The following DLGAP1 variants were observed in gnomAD, a reference collection of about 807,000 sequenced individuals.
The protein encoded by DLGAP1 is disks large-associated protein 1.
Under a neutral mutation model 90.8 loss-of-function variants are expected in DLGAP1, and 11 were observed. The observed-to-expected ratio is 0.12, with a 90% confidence interval of 0.08 to 0.20. The LOEUF is 0.20. Ranked by LOEUF, DLGAP1 falls within the 10% of genes least tolerant of loss-of-function variation. The probability of loss-of-function intolerance (pLI) is 1.00; values close to 1 mark genes in which losing one functional copy is unlikely to be tolerated. For synonymous variants in DLGAP1, 558 were observed against 540.7 expected (o/e 1.03, Z -0.44); for missense variants, 1,050 against 1,333.8 (o/e 0.79, Z 3.31).
chr18:3,583,421 T>C (rs1164207420), intron 7 of DLGAP1, among the ~76,000 whole-genome samples: 1 of 152,060 alleles, frequency 6.6e-6, no homozygotes, highest in Non-Finnish European at 1.5e-5. Flanking sequence ...ACTTCCACCT[T>C]GCCTATCTCT....
chr18:4,353,164 A>G (rs2081435892), intron 1 of DLGAP1, among the ~76,000 whole-genome samples: 1 of 152,214 alleles, frequency 6.6e-6, no homozygotes, highest in South Asian at 2.1e-4. Flanking sequence ...TCTGTCTTCA[A>G]CTGTTCACTC....
At chr18:3,646,690 C>A (rs976973601) in intron 7 of DLGAP1, among the ~76,000 whole-genome samples, 1 of 151,708 alleles carries the variant, frequency 6.6e-6, no homozygotes, top group South Asian at 2.1e-4. Flanking sequence ...TGTGGGAGGC[C>A]GAGGCGGGCA....
In DLGAP1 at chr18:4,427,188, T is replaced by C. The variant is rs2083176603; in HGVS notation, c.-267+27818A>G. The stretch of plus-strand genomic sequence containing the variant: ...TTAACCAAATGGAGCAGAGAGACTG[T>C]TCCCGTGTGGTAGTGATATCATATT... On this transcript the variant is annotated intron_variant, in intron 1 of 12. Coordinates refer to ENST00000315677, the MANE Select transcript of DLGAP1 (RefSeq NM_004746.4). Among the ~76,000 whole-genome samples the C allele has an allele frequency of 2.0e-5, 3 of 152,186 alleles. No individual in the cohort carries two copies. The South Asian group carries it at 6.2e-4, about 32-fold the overall frequency.
intron 11 of DLGAP1, among the ~76,000 whole-genome samples, chr18:3,507,736 GTTTT>G (rs386386884): frequency 1.7e-4 from 15 of 89,974 alleles, no homozygotes; most frequent in African/African-American, 6.4e-4. Context: ...ATTCTTGAAG[GTTTT>G]TTTTTTTTTT....
intron 4 of DLGAP1, among the ~76,000 whole-genome samples, chr18:3,833,390 C>T (rs554087328): frequency 3.3e-5 from 5 of 152,088 alleles, no homozygotes; most frequent in South Asian, 2.1e-4. Flanking sequence ...CATGCCACCA[C>T]GCCCAGTTAA....
intron 3 of DLGAP1, among the ~76,000 whole-genome samples, chr18:3,958,012 G>A (rs1406716240): frequency 6.6e-6 from 1 of 151,644 alleles, no homozygotes; most frequent in Non-Finnish European, 1.5e-5. Context: ...TCATGCCTCA[G>A]CCTCCTGAAT....
rs186144935 is a variant in DLGAP1 at position 3,893,015 on chromosome 18, G to A, written c.-72-12875C>T. ...TTTTAGTGTAGCCATCCCCCAAAAA[G>A]TGTACATTGTACCTATTAAGTAATT... On this transcript the variant is annotated intron_variant, in intron 3 of 12. Transcript: ENST00000315677. Among the ~76,000 whole-genome samples the A allele has an allele frequency of 2.0e-5, 3 of 151,640 alleles. No individual in the cohort carries two copies. In the East Asian group the frequency reaches 5.8e-4, roughly 29 times the overall value.
intron 1 of DLGAP1, among the ~76,000 whole-genome samples, chr18:4,243,912 AC>A (rs2145147911): frequency 1.3e-5 from 2 of 152,344 alleles, no homozygotes; most frequent in South Asian, 4.1e-4. Flanking sequence ...TTTTATCCCT[AC>A]CTTTGAAAAT....
chr18:3,878,678 G>A (rs573333593), intron 4 of DLGAP1, among the ~76,000 whole-genome samples: 2 of 152,092 alleles, frequency 1.3e-5, no homozygotes, highest in Admixed American at 6.5e-5. Context: ...ATTTCACAAT[G>A]AAAACCACCC....
chr18:4,045,139 C>T (rs1408674401), intron 2 of DLGAP1, among the ~76,000 whole-genome samples: 2 of 151,942 alleles, frequency 1.3e-5, no homozygotes, highest in African/African-American at 2.4e-5. Context: ...AACAGTCCTC[C>T]ACGCCGAGCC....
At chr18:4,246,215 T>C (rs2078650122) in intron 1 of DLGAP1, among the ~76,000 whole-genome samples, 1 of 152,160 alleles carries the variant, frequency 6.6e-6, no homozygotes, top group Non-Finnish European at 1.5e-5. Context: ...TATGAAGTTC[T>C]TAACATAGAT....
Position 3,645,805 on chromosome 18 carries a change from G to A in DLGAP1, c.1592-63557C>T, listed in dbSNP as rs940473656. Among the ~76,000 whole-genome samples the A allele has an allele frequency of 2.2e-4, 34 of 152,118 alleles. 1 individual carries two copies. Among genetic ancestry groups the A allele is most frequent in the African/African-American group, 7.5e-4 (31 of 41,420 alleles). The stretch of plus-strand genomic sequence containing the variant: ...CATCTTTCCATCTTTCTGTCCCCAT[G>A]GCCTGGGATAGGGCATGAAATAGTA... On this transcript the variant is annotated intron_variant, in intron 7 of 12. Coordinates refer to ENST00000315677, the MANE Select transcript of DLGAP1 (RefSeq NM_004746.4).
chr18:3,512,616 A>G (rs1251494244), intron 10 of DLGAP1, among the ~76,000 whole-genome samples: 1 of 152,196 alleles, frequency 6.6e-6, no homozygotes, highest in Non-Finnish European at 1.5e-5. Context: ...ATCACTTAGT[A>G]TTTCAAAACT....
intron 1 of DLGAP1, among the ~76,000 whole-genome samples, chr18:4,152,081 C>T (rs959908642): frequency 1.2e-4 from 18 of 152,160 alleles, no homozygotes; most frequent in African/African-American, 4.3e-4. Flanking sequence ...ATATCACATG[C>T]TATATGGCTG....
rs547050713 is a variant in DLGAP1 at position 3,920,204 on chromosome 18, G to A, written c.-72-40064C>T. Among the ~76,000 whole-genome samples the A allele has an allele frequency of 3.9e-5, 6 of 152,056 alleles. No individual in the cohort carries two copies. In the South Asian group the frequency reaches 6.2e-4, roughly 16 times the overall value. The stretch of plus-strand genomic sequence containing the variant: ...CTAAAAATACAAAAATTAGCCAGGC[G>A]TGGTGGTGCATGCCTGTAGTCCTAG... On this transcript the variant is annotated intron_variant, in intron 3 of 12. Transcript: ENST00000315677.
chr18:3,624,964 T>C (rs1440723929), intron 7 of DLGAP1, among the ~76,000 whole-genome samples: 1 of 152,112 alleles, frequency 6.6e-6, no homozygotes, highest in Non-Finnish European at 1.5e-5. Context: ...AGAAGCAAAG[T>C]CTACCTACCA....
chr18:3,907,153 C>T (rs574349558), intron 3 of DLGAP1, among the ~76,000 whole-genome samples: 30 of 137,188 alleles, frequency 2.2e-4, no homozygotes, highest in Admixed American at 9.4e-4. Context: ...GGGGGCAGGG[C>T]GGGGGTCCTG....
chr18:3,920,659 T>A (rs1228284324), intron 3 of DLGAP1, among the ~76,000 whole-genome samples: 2 of 152,250 alleles, frequency 1.3e-5, no homozygotes, highest in East Asian at 3.9e-4. Flanking sequence ...GGCGAAACTC[T>A]CTCTCTCCCA....
intron 9 of DLGAP1, among the ~76,000 whole-genome samples, chr18:3,560,639 G>T (rs1599242948): frequency 6.7e-6 from 1 of 149,488 alleles, no homozygotes; most frequent in Admixed American, 6.6e-5. Context: ...ATGAGCACTG[G>T]CAGCAAGCTG....
Sources: gnomAD v4.1 joint callset for allele counts (sites outside exome capture counted in the v4.1 genomes callset) on GRCh38, gnomAD v4.1.1 for gene constraint, MANE v1.5 for transcripts, NCBI Gene and HGNC (gene_info 2026-07-23, HGNC 2026-07-21) for gene names.